Variants in VPS13D observed in about 807,000 individuals in gnomAD.
The protein encoded by VPS13D is intermembrane lipid transfer protein VPS13D.
VPS13D carries 187 observed loss-of-function variants against 461.9 expected under a neutral mutation model. That is an observed-to-expected ratio of 0.40 (90% CI 0.36 to 0.46). VPS13D has a LOEUF of 0.46. VPS13D is among the 20% of genes least tolerant of loss of function. The probability of loss-of-function intolerance (pLI) is 0.60; values close to 1 mark genes in which losing one functional copy is unlikely to be tolerated. For synonymous variants in VPS13D, 1,951 were observed against 1,986.3 expected, an observed-to-expected ratio of 0.98 and a Z score of 0.47; for missense variants, 4,711 against 5,364.9, an observed-to-expected ratio of 0.88 and a Z score of 3.81.
At chr1:12,447,902 T>A (rs1011006651) in intron 65 of VPS13D, among the ~76,000 whole-genome samples, 1 of 152,236 alleles carries the variant, frequency 6.6e-6, no homozygotes, top group Admixed American at 6.5e-5. Context: ...ATATTTATGC[T>A]TTCCTTTGTT....
chr1:12,395,996 G>GAGATATAT (rs1300735333), intron 60 of VPS13D, among the ~76,000 whole-genome samples: 5 of 73,806 alleles, frequency 6.8e-5, no homozygotes, highest in Non-Finnish European at 1.2e-4. Context: ...ACTAATAGGA[G>GAGATATAT]ATATATATAT....
At chr1:12,271,772 G>C (rs1161286525) in intron 17 of VPS13D, among the ~76,000 whole-genome samples, 1 of 152,186 alleles carries the variant, frequency 6.6e-6, no homozygotes, top group African/African-American at 2.4e-5. Context: ...ACTGTTACCA[G>C]AAGAGACAAC....
chr1:12,340,441 A>C (rs1001909478), intron 40 of VPS13D, among the ~76,000 whole-genome samples: 2 of 152,186 alleles, frequency 1.3e-5, no homozygotes, highest in African/African-American at 4.8e-5. Context: ...TTACAGTACT[A>C]ACCTTTCAAA....
At chr1:12,240,595 C>CA (rs781165302) in intron 2 of VPS13D, among the ~76,000 whole-genome samples, 5,218 of 39,972 alleles carry the variant, frequency 0.13, 413 homozygotes, top group East Asian at 0.19. Flanking sequence ...GATTCCATCT[C>CA]AAAAAAAAAA....
At chr1:12,492,767 G>A (rs1299128362) in intron 67 of VPS13D, among the ~76,000 whole-genome samples, 3 of 152,174 alleles carry the variant, frequency 2.0e-5, no homozygotes, top group African/African-American at 7.2e-5. Context: ...TATATCATGG[G>A]ATAGTCATAC....
chr1:12,500,333 A>T, intron 68 of VPS13D: 1 of 691,420 alleles, frequency 1.4e-6, no homozygotes, highest in Non-Finnish European at 1.8e-6. Flanking sequence ...TTGGTTTTGA[A>T]ACAGGATCTG....
At chr1:12,312,042 G>GAC in intron 29 of VPS13D, 117 bp downstream of exon 29, 17 of 676,452 alleles carry the variant, frequency 2.5e-5, no homozygotes, top group South Asian at 5.8e-5. Context: ...AATGTTGTCT[G>GAC]CAGAGTGTCT....
At chr1:12,415,871 A>G (rs928909761) in intron 64 of VPS13D, among the ~76,000 whole-genome samples, 1 of 149,862 alleles carries the variant, frequency 6.7e-6, no homozygotes, top group Middle Eastern at 3.2e-3. Context: ...GGGATCAGGC[A>G]ATTGGAAGTA....
rs189798624 is a variant in VPS13D at position 12,330,474 on chromosome 1, C to G, written c.8287+556C>G. Among the ~76,000 whole-genome samples the G allele has an allele frequency of 9.5e-4, 145 of 152,248 alleles. 1 individual carries two copies. The highest frequency in any genetic ancestry group is 3.1e-3 in the African/African-American group (127 of 41,558). On this transcript the variant is annotated intron_variant, in intron 37 of 69. Coordinates refer to ENST00000620676, the MANE Select transcript of VPS13D (RefSeq NM_015378.4). ...ATTTTTTTTGGATCCTGCAGTTTGG[C>G]TCATTCTAGAATATGCCATTGCTCA...
chr1:12,374,042 T>C (rs544180640), intron 55 of VPS13D, among the ~76,000 whole-genome samples, 184 bp downstream of exon 55: 1 of 152,316 alleles, frequency 6.6e-6, no homozygotes, highest in East Asian at 1.9e-4. Flanking sequence ...GTAAGATGAC[T>C]TCTGGAGTGG....
At chr1:12,467,267 G>C (rs2100437852) in intron 67 of VPS13D, among the ~76,000 whole-genome samples, 1 of 152,342 alleles carries the variant, frequency 6.6e-6, no homozygotes, top group South Asian at 2.1e-4. Context: ...CACCTCCCGG[G>C]TTCAAGCAGT....
intron 37 of VPS13D, 121 bp downstream of exon 37, chr1:12,330,039 A>T (rs1229951686): frequency 4.2e-6 from 3 of 715,762 alleles, no homozygotes; most frequent in Non-Finnish European, 6.9e-6. Context: ...ACGGGGAAAG[A>T]TGAAAAGCAA....
At chr1:12,420,007 C>T (rs940687456) in intron 65 of VPS13D, among the ~76,000 whole-genome samples, 2 of 152,074 alleles carry the variant, frequency 1.3e-5, no homozygotes, top group African/African-American at 2.4e-5. Context: ...GGTGGATTGT[C>T]GTATATGCAG....
intron 63 of VPS13D, among the ~76,000 whole-genome samples, chr1:12,406,931 G>A (rs1644664025): frequency 6.6e-6 from 1 of 152,170 alleles, no homozygotes; most frequent in South Asian, 2.1e-4. Context: ...CATTTTAATG[G>A]TCAGAGTGAG....
chr1:12,408,961 G>C (rs1249916920), intron 63 of VPS13D, among the ~76,000 whole-genome samples: 1 of 152,090 alleles, frequency 6.6e-6, no homozygotes, highest in Non-Finnish European at 1.5e-5. Context: ...TATGTCACTT[G>C]TCTATTTTTC....
intron 54 of VPS13D, 26 bp downstream of exon 54, chr1:12,369,728 C>A (rs757046410): frequency 6.2e-7 from 1 of 1,600,618 alleles, no homozygotes; most frequent in South Asian, 1.1e-5. Context: ...ATTACTGTTC[C>A]TATAAAGCAG....
At chr1:12,442,868 C>T (rs531773117) in intron 65 of VPS13D, among the ~76,000 whole-genome samples, 99 of 152,258 alleles carry the variant, frequency 6.5e-4, no homozygotes, top group Non-Finnish European at 9.1e-4. Flanking sequence ...GGATTACAGG[C>T]GTGAGCCACC....
At position 12,505,989 on chromosome 1, in the gene VPS13D, G is replaced by C. The variant is rs932838539; in HGVS notation, c.12795-864G>C. On this transcript the variant is annotated intron_variant, in intron 68 of 69. Coordinates refer to ENST00000620676, the MANE Select transcript of VPS13D (RefSeq NM_015378.4). This position sits in a 1 kb window ranked among gnomAD's most constrained non-coding sequence, Gnocchi z 4.2. ...GTGGAGCCTGGCTCTGAGCAATTCAGTTTGCCAGCAGGAGCTCGACTGCCA... is the reference window on the plus strand; with the variant it reads ...GTGGAGCCTGGCTCTGAGCAATTCACTTTGCCAGCAGGAGCTCGACTGCCA... Among the ~76,000 whole-genome samples, 2 of 152,216 alleles carry C rather than the reference G, an allele frequency of 1.3e-5. No homozygotes were observed. The highest frequency in any genetic ancestry group is 4.8e-5 in the African/African-American group (2 of 41,448).
At chr1:12,503,442 C>T (rs1290061001) in intron 68 of VPS13D, among the ~76,000 whole-genome samples, 3 of 152,064 alleles carry the variant, frequency 2.0e-5, no homozygotes, top group African/African-American at 7.2e-5. Flanking sequence ...CCTCAGCTTC[C>T]CAAAGTGCTG....
Sources: allele counts gnomAD v4.1 joint callset (sites outside exome capture counted in the v4.1 genomes callset), GRCh38; gene constraint gnomAD v4.1.1; non-coding constraint Gnocchi (gnomAD v3.1); transcripts MANE v1.5; gene names NCBI Gene and HGNC (gene_info 2026-07-23, HGNC 2026-07-21).